The following GRM8 variants were observed in gnomAD, a reference collection of about 807,000 sequenced individuals.
GRM8 encodes glutamate metabotropic receptor 8.
Under a neutral mutation model 87.2 loss-of-function variants are expected in GRM8, and 47 were observed. The observed-to-expected ratio is 0.54, with a 90% CI of 0.43 to 0.69. The LOEUF (loss-of-function observed/expected upper bound fraction) is 0.69, where lower values mean the gene tolerates loss of function less well. Ranked by LOEUF, GRM8 falls within the 30% of genes least tolerant of loss-of-function variation. The pLI, the probability that GRM8 is intolerant of heterozygous loss-of-function variation, is 0.00. For missense variants in GRM8, 1,019 were observed against 1,139.2 expected (o/e 0.89, Z 1.52); for synonymous variants, 396 against 404.5 (o/e 0.98, Z 0.25).
At chr7:126,745,298 T>A (rs1815516627) in intron 7 of GRM8, among the ~76,000 whole-genome samples, 1 of 151,636 alleles carries the variant, frequency 6.6e-6, no homozygotes, top group Admixed American at 6.6e-5. Context: ...TTTCAGTCCT[T>A]GCTATACGCC....
chr7:126,574,811 C>A (rs941975770), intron 8 of GRM8, among the ~76,000 whole-genome samples: 6 of 152,018 alleles, frequency 3.9e-5, no homozygotes, highest in Non-Finnish European at 8.8e-5. Flanking sequence ...CAGACTGGCC[C>A]CAAGACTACA....
intron 3 of GRM8, among the ~76,000 whole-genome samples, chr7:127,005,920 C>T (rs1814242691): frequency 6.6e-6 from 1 of 151,700 alleles, no homozygotes; most frequent in Non-Finnish European, 1.5e-5. Context: ...CTTAGAAAGA[C>T]CTCCCCACCA....
rs17866101 is a variant in GRM8, at chr7:127,039,156, C to T, written c.727+67340G>A. Among the ~76,000 whole-genome samples the T allele has an allele frequency of 9.4e-3, 1,437 of 152,304 alleles. 21 individuals carry two copies. Among genetic ancestry groups the T allele is most frequent in the African/African-American group, 0.032 (1,312 of 41,580 alleles). On this transcript the variant is annotated intron_variant, in intron 3 of 10. Transcript: ENST00000339582. ...AGTAGGTGTTATGGGATGCACTAAACATTCATATGTTGAAGTTCCAACCTC... is the reference window on the plus strand; with the variant it reads ...AGTAGGTGTTATGGGATGCACTAAATATTCATATGTTGAAGTTCCAACCTC...
chr7:126,763,164 A>G (rs1817775481), intron 7 of GRM8, among the ~76,000 whole-genome samples: 1 of 150,510 alleles, frequency 6.6e-6, no homozygotes, highest in South Asian at 2.1e-4. Flanking sequence ...GATAATTTGT[A>G]ATATCCAAGT....
chr7:126,857,847 G>A (rs537878711), intron 6 of GRM8, among the ~76,000 whole-genome samples: 2 of 152,270 alleles, frequency 1.3e-5, no homozygotes, highest in South Asian at 4.2e-4. Context: ...CACTTAGGAG[G>A]CTGAGGTGGG....
At position 127,226,241 on chromosome 7, in the gene GRM8, C is replaced by G. The variant is rs11563679; in HGVS notation, c.510+16454G>C. On this transcript the variant is annotated intron_variant, in intron 2 of 10. Coordinates refer to ENST00000339582, the MANE Select transcript of GRM8 (RefSeq NM_000845.3). Reference sequence around the variant, plus strand: ...GTTCTTTCTGCCTTTTCTCTTGCTTCTCACTCCCCCAGCCCATGATATAAC... The same window carrying G: ...GTTCTTTCTGCCTTTTCTCTTGCTTGTCACTCCCCCAGCCCATGATATAAC... Among the ~76,000 whole-genome samples, 685 of 152,282 alleles carry G rather than the reference C, an allele frequency of 4.5e-3. 46 individuals are homozygous for G. In the East Asian group the frequency reaches 0.11, roughly 25 times the overall value.
intron 7 of GRM8, among the ~76,000 whole-genome samples, chr7:126,634,184 G>C (rs1321256760): frequency 6.6e-6 from 1 of 152,124 alleles, no homozygotes; most frequent in Non-Finnish European, 1.5e-5. Flanking sequence ...ATTAAAAAGT[G>C]AAGGAATTAA....
intron 4 of GRM8, among the ~76,000 whole-genome samples, 161 bp downstream of exon 4, chr7:126,904,387 G>T (rs2896380): frequency 5.4e-4 from 82 of 152,138 alleles, no homozygotes; most frequent in African/African-American, 1.9e-3. Flanking sequence ...TATCTCATTT[G>T]GTCCCCAAGT....
At chr7:126,480,997 G>T (rs1584765852) in intron 9 of GRM8, among the ~76,000 whole-genome samples, 2 of 152,032 alleles carry the variant, frequency 1.3e-5, no homozygotes, top group East Asian at 3.9e-4. Flanking sequence ...AAATGATGGG[G>T]CATGCCAAAG....
intron 7 of GRM8, among the ~76,000 whole-genome samples, chr7:126,627,583 C>T (rs972058812): frequency 3.3e-5 from 5 of 151,948 alleles, no homozygotes; most frequent in Non-Finnish European, 4.4e-5. Flanking sequence ...CAGTACAATG[C>T]TAATAAGAAG....
At chr7:126,570,943 G>A (rs1259369881) in intron 8 of GRM8, among the ~76,000 whole-genome samples, 3 of 152,170 alleles carry the variant, frequency 2.0e-5, no homozygotes, top group Non-Finnish European at 4.4e-5. Context: ...CCATTTCTGT[G>A]ATGTTTGTCA....
intron 3 of GRM8, among the ~76,000 whole-genome samples, chr7:127,027,554 C>T (rs546545876): frequency 6.6e-6 from 1 of 152,266 alleles, no homozygotes; most frequent in East Asian, 1.9e-4. Context: ...CCTTCACATT[C>T]CTTCTAAGTT....
intron 3 of GRM8, among the ~76,000 whole-genome samples, chr7:127,015,066 A>AGAAGAAGAAGAAGAG (rs1454124629): frequency 5.5e-4 from 57 of 104,510 alleles, no homozygotes; most frequent in African/African-American, 1.7e-3. Flanking sequence ...AAGAAGAAGA[A>AGAAGAAGAAGAAGAG]GAAAGAAAGA....
chr7:126,632,711 A>T (rs1036747221), intron 7 of GRM8, among the ~76,000 whole-genome samples: 10 of 152,272 alleles, frequency 6.6e-5, no homozygotes, highest in Admixed American at 1.3e-4. Flanking sequence ...CCTAAAAAGG[A>T]ACAAGATAAT....
intron 3 of GRM8, among the ~76,000 whole-genome samples, chr7:127,038,770 T>G (rs905493142): frequency 6.6e-6 from 1 of 152,244 alleles, no homozygotes; most frequent in Non-Finnish European, 1.5e-5. Flanking sequence ...AATGGAGTGG[T>G]AGGTATTTCT....
At chr7:127,112,460 G>GT (rs1826429513) in intron 2 of GRM8, 1 of 152,138 alleles carries the variant, frequency 6.6e-6, no homozygotes, top group Non-Finnish European at 1.5e-5. Flanking sequence ...GATGTAACAT[G>GT]AGCTCCCATG....
chr7:127,216,116 G>C (rs1268257310), intron 2 of GRM8, among the ~76,000 whole-genome samples: 2 of 152,150 alleles, frequency 1.3e-5, no homozygotes, highest in Non-Finnish European at 2.9e-5. Context: ...GCAAACAAAA[G>C]TGATTAAAAC....
chr7:126,821,245 C>T (rs1794270945), intron 6 of GRM8, among the ~76,000 whole-genome samples: 1 of 152,080 alleles, frequency 6.6e-6, no homozygotes, highest in Non-Finnish European at 1.5e-5. Flanking sequence ...TCCTCTTTTC[C>T]TTGTATTTTC....
intron 6 of GRM8, among the ~76,000 whole-genome samples, chr7:126,779,242 C>A (rs545270389): frequency 6.6e-6 from 1 of 151,978 alleles, no homozygotes; most frequent in South Asian, 2.1e-4. Context: ...AAATTGTGAA[C>A]CAATTCTCCC....
Sources: gnomAD v4.1 joint callset for allele counts (sites outside exome capture counted in the v4.1 genomes callset) on GRCh38, gnomAD v4.1.1 for gene constraint, MANE v1.5 for transcripts, NCBI Gene and HGNC (gene_info 2026-07-23, HGNC 2026-07-21) for gene names.